The following GLCCI1 variants were observed in gnomAD, a reference collection of about 807,000 sequenced individuals.
GLCCI1 encodes the protein glucocorticoid-induced transcript 1 protein.
Under a neutral mutation model 52.2 loss-of-function variants are expected in GLCCI1, and 24 were observed. The observed-to-expected ratio is 0.46, with a 90% CI of 0.33 to 0.65. The LOEUF (loss-of-function observed/expected upper bound fraction) is 0.65. Ranked by LOEUF, GLCCI1 falls within the 30% of genes least tolerant of loss-of-function variation. GLCCI1 has a pLI of 0.02. For missense variants in GLCCI1, 704 were observed against 701.5 expected (o/e 1.00, Z -0.04); for synonymous variants, 310 against 276.5 (o/e 1.12, Z -1.20).
chr7:8,070,282 C>T (rs1782727926), intron 5 of GLCCI1: 1 of 152,132 alleles, frequency 6.6e-6, no homozygotes, highest in South Asian at 2.1e-4. Context: ...TATGAGTAGT[C>T]CTACTTAGTT....
chr7:7,970,968 G>T (rs1448087731), intron 1 of GLCCI1, among the ~76,000 whole-genome samples: 1 of 151,918 alleles, frequency 6.6e-6, no homozygotes, highest in East Asian at 1.9e-4. Context: ...TGATGAAGGT[G>T]TTAGAGTTGG....
chr7:7,970,474 A>G (rs939263658), intron 1 of GLCCI1: 1 of 145,792 alleles, frequency 6.9e-6, no homozygotes, highest in African/African-American at 2.6e-5. Context: ...CCTGCACTGG[A>G]AACAGTTTGT....
chr7:8,013,949 G>A lies in GLCCI1; in HGVS notation c.610-8534G>A, dbSNP rs185970866. On this transcript the variant is annotated intron_variant, in intron 2 of 7. Transcript: ENST00000223145. The stretch of plus-strand genomic sequence containing the variant: ...TTGGAATTGCATTTGTTGCCACTCC[G>A]AGAACCATGTAAACTAACAGTTATG... Among the ~76,000 whole-genome samples the A allele has an allele frequency of 2.3e-4, 35 of 150,482 alleles. No homozygotes were observed. The East Asian group carries it at 5.5e-3, about 23-fold the overall frequency.
At chr7:7,980,652 T>A in intron 1 of GLCCI1, 1 of 836,352 alleles carries the variant, frequency 1.2e-6, no homozygotes, top group Non-Finnish European at 2.0e-6. Flanking sequence ...TCCCAAGAAT[T>A]AAGCACAAGA....
chr7:8,020,562 T>C (rs1781462931), intron 2 of GLCCI1, among the ~76,000 whole-genome samples: 1 of 152,214 alleles, frequency 6.6e-6, no homozygotes, highest in Non-Finnish European at 1.5e-5. Context: ...GCAGAATTTT[T>C]GTGGCTATTA....
chr7:7,981,540 C>G (rs1780620939), intron 1 of GLCCI1: 1 of 191,294 alleles, frequency 5.2e-6, no homozygotes, highest in South Asian at 1.0e-4. Flanking sequence ...CCAGGCTGGT[C>G]TCGAATTCCT....
chr7:8,014,195 T>C (rs1190683015), intron 2 of GLCCI1, among the ~76,000 whole-genome samples: 2 of 152,154 alleles, frequency 1.3e-5, no homozygotes, highest in Non-Finnish European at 2.9e-5. Flanking sequence ...TTCACCATGT[T>C]GGTCAGGCTG....
chr7:8,071,425 T>C (rs1476803394), intron 6 of GLCCI1, among the ~76,000 whole-genome samples: 1 of 152,150 alleles, frequency 6.6e-6, no homozygotes, highest in Non-Finnish European at 1.5e-5. Flanking sequence ...CTTGGTATTG[T>C]CCAGAGCGGA....
chr7:8,009,795 C>A (rs543093309), intron 2 of GLCCI1, among the ~76,000 whole-genome samples: 1 of 152,028 alleles, frequency 6.6e-6, no homozygotes, highest in South Asian at 2.1e-4. Context: ...CAAAGTATAA[C>A]CCTTTTAAAC....
chr7:8,003,450 C>G (rs1019495382), intron 1 of GLCCI1, among the ~76,000 whole-genome samples: 4 of 152,012 alleles, frequency 2.6e-5, no homozygotes, highest in Non-Finnish European at 5.9e-5. Context: ...GTATATGGCA[C>G]CCAAATCGTG....
At position 7,968,850 on chromosome 7, in the gene GLCCI1, T is replaced by G. The variant is rs1780270488; in HGVS notation, c.-501T>G. 1 of 156,056 alleles carries G rather than the reference T, an allele frequency of 6.4e-6. No homozygotes were observed. Among genetic ancestry groups the G allele is most frequent in the Admixed American group, 6.7e-5 (1 of 14,858 alleles). The allele number at this position is 156,056 out of a possible 1,614,324, so 9.7% of individuals were successfully genotyped here. ...AAGCGGCGGCGGCGGCGGCGGCGTT[T>G]GCGGTGGCGCGGACTCCGAGGAGCG... On this transcript the variant is annotated 5_prime_UTR_variant, in exon 1 of 8. Coordinates refer to ENST00000223145, the MANE Select transcript of GLCCI1 (RefSeq NM_138426.4).
At chr7:8,012,551 T>C (rs959294632) in intron 2 of GLCCI1, among the ~76,000 whole-genome samples, 2 of 148,492 alleles carry the variant, frequency 1.3e-5, no homozygotes, top group African/African-American at 5.0e-5. Flanking sequence ...TTCATGCCAT[T>C]CTCCTGCCTC....
chr7:8,042,089 A>G (rs753525252), intron 3 of GLCCI1, among the ~76,000 whole-genome samples: 8 of 152,206 alleles, frequency 5.3e-5, no homozygotes, highest in Admixed American at 2.6e-4. Flanking sequence ...AAAGGAAAAG[A>G]TTCTTTTCAA....
chr7:8,035,582 T>C (rs1156637735), intron 3 of GLCCI1, among the ~76,000 whole-genome samples: 2 of 152,186 alleles, frequency 1.3e-5, no homozygotes, highest in East Asian at 1.9e-4. Flanking sequence ...GGAGTTGTTA[T>C]GTTCCTGCAA....
At chr7:8,068,428 T>G (rs1394962863) in intron 5 of GLCCI1, among the ~76,000 whole-genome samples, 2 of 152,260 alleles carry the variant, frequency 1.3e-5, no homozygotes, top group Non-Finnish European at 2.9e-5. Context: ...GCTTGGTCTA[T>G]TCTGCTATTA....
chr7:7,994,992 A>G (rs117940221), intron 1 of GLCCI1, among the ~76,000 whole-genome samples: 1 of 152,312 alleles, frequency 6.6e-6, no homozygotes, highest in Non-Finnish European at 1.5e-5. Flanking sequence ...ACGTGGACAA[A>G]TAGGGAGAGC....
rs910173688 is a variant in GLCCI1 at position 8,052,107 on chromosome 7, A to C, written c.697-3326A>C. On this transcript the variant is annotated intron_variant, in intron 3 of 7. Coordinates refer to ENST00000223145, the MANE Select transcript of GLCCI1 (RefSeq NM_138426.4). ...AAGTAGATGTAGCCCCATTAGCATA[A>C]GATTTTTTTTTTTAAAGGGCAGTGT... Among the ~76,000 whole-genome samples, 6 of 152,052 alleles carry C rather than the reference A, an allele frequency of 3.9e-5. No homozygotes were observed. The East Asian group carries it at 5.8e-4, about 15-fold the overall frequency.
At chr7:8,063,513 C>G (rs62433449) in intron 5 of GLCCI1, among the ~76,000 whole-genome samples, 9,181 of 151,794 alleles carry the variant, frequency 0.06, 379 homozygotes, top group East Asian at 0.19. Flanking sequence ...TTTTGACTTG[C>G]ATTTTTGTAA....
intron 3 of GLCCI1, among the ~76,000 whole-genome samples, chr7:8,027,701 C>G (rs73242085): frequency 0.033 from 4,900 of 150,240 alleles, 249 homozygotes; most frequent in African/African-American, 0.11. Flanking sequence ...AAAAAAGAGA[C>G]CCAATGATCT....
Sources: allele counts gnomAD v4.1 joint callset (sites outside exome capture counted in the v4.1 genomes callset), GRCh38; gene constraint gnomAD v4.1.1; transcripts MANE v1.5; gene names NCBI Gene and HGNC (gene_info 2026-07-23, HGNC 2026-07-21).